Variants in SGCZ observed in about 807,000 individuals in gnomAD.
The protein encoded by SGCZ is sarcoglycan zeta, also known as zeta-sarcoglycan.
SGCZ carries 40 observed loss-of-function variants against 41.3 expected under a neutral mutation model. The observed-to-expected ratio is 0.97, with a 90% CI of 0.75 to 1.26. The LOEUF (loss-of-function observed/expected upper bound fraction) is 1.26. Among genes scored for constraint, SGCZ ranks in the 50% most tolerant of loss-of-function variants. The probability of loss-of-function intolerance (pLI) is 0.00; values close to 1 mark genes in which losing one functional copy is unlikely to be tolerated. For missense variants in SGCZ, 552 were observed against 369.8 expected (o/e 1.49, Z -4.04); for synonymous variants, 206 against 137.5 (o/e 1.50, Z -3.49).
At chr8:14,329,229 A>T (rs1802230462) in intron 2 of SGCZ, among the ~76,000 whole-genome samples, 3 of 152,224 alleles carry the variant, frequency 2.0e-5, no homozygotes, top group South Asian at 4.1e-4. Context: ...TTATTTATTA[A>T]CTGTTGACTT....
Position 14,745,134 on chromosome 8 carries a change from T to C in SGCZ, c.40-190208A>G, listed in dbSNP as rs1165767830. The stretch of plus-strand genomic sequence containing the variant: ...CTGTAAGTTTCAGTTTCACTGTGTC[T>C]CTACCTGCACTTTTAGCATTTCTCT... On this transcript the variant is annotated intron_variant, in intron 1 of 7. Transcript: ENST00000382080. 2.6e-5 allele frequency among the ~76,000 whole-genome samples: 4 copies of C among 152,312 alleles called. No individual in the cohort carries two copies. In the East Asian group the frequency reaches 7.7e-4, roughly 29 times the overall value.
chr8:15,231,838 T>G (rs987160957), intron 1 of SGCZ, among the ~76,000 whole-genome samples: 1 of 152,104 alleles, frequency 6.6e-6, no homozygotes, highest in African/African-American at 2.4e-5. Context: ...GCCAGGCTGG[T>G]CTTGAACTCC....
At chr8:15,036,454 A>G (rs1459693362) in intron 1 of SGCZ, among the ~76,000 whole-genome samples, 1 of 152,086 alleles carries the variant, frequency 6.6e-6, no homozygotes, top group African/African-American at 2.4e-5. Context: ...ACTAATGGAC[A>G]TTAGGCTTAA....
At chr8:14,592,091 T>G (rs1805259535) in intron 1 of SGCZ, among the ~76,000 whole-genome samples, 1 of 152,192 alleles carries the variant, frequency 6.6e-6, no homozygotes. Context: ...AAAATGTCAA[T>G]GCCAGGAAAA....
chr8:14,684,901 G>A lies in SGCZ; in HGVS notation c.40-129975C>T, dbSNP rs374634485. On this transcript the variant is annotated intron_variant, in intron 1 of 7. Coordinates refer to ENST00000382080, the MANE Select transcript of SGCZ (RefSeq NM_139167.4). ...GGGAGGTCTGTTATCTGTGCAGGTC[G>A]TAATTCCTGGTCCTCTGTTTAAACA... Among the ~76,000 whole-genome samples, 7 of 152,174 alleles carry A rather than the reference G, an allele frequency of 4.6e-5. No individual in the cohort carries two copies. In the East Asian group the frequency reaches 5.8e-4, roughly 13 times the overall value.
intron 1 of SGCZ, among the ~76,000 whole-genome samples, chr8:14,851,743 A>T (rs1231304278): frequency 1.3e-5 from 2 of 152,162 alleles, no homozygotes; most frequent in Non-Finnish European, 2.9e-5. Flanking sequence ...TGTCATTATT[A>T]TCATAGTCTA....
intron 1 of SGCZ, among the ~76,000 whole-genome samples, chr8:14,731,579 A>G (rs1333689464): frequency 2.0e-5 from 3 of 152,152 alleles, no homozygotes. Flanking sequence ...TTAATTCAAC[A>G]ATACTTGTAG....
In SGCZ at chr8:14,340,148, T is replaced by C. The variant is rs528035885; in HGVS notation, c.235-15944A>G. ...TGCTGTTGTTTCAATTCTGTTTTTT[T>C]CTTTCATCTCCAGTCTATGATATAA... On this transcript the variant is annotated intron_variant, in intron 2 of 7. Transcript: ENST00000382080. 7.9e-5 allele frequency among the ~76,000 whole-genome samples: 12 copies of C among 152,258 alleles called. No individual in the cohort carries two copies. In the South Asian group the frequency reaches 2.5e-3, roughly 32 times the overall value.
At chr8:14,880,444 C>T (rs1490016933) in intron 1 of SGCZ, among the ~76,000 whole-genome samples, 1 of 152,114 alleles carries the variant, frequency 6.6e-6, no homozygotes, top group Non-Finnish European at 1.5e-5. Context: ...CCAGCCATCC[C>T]ATTACTGGGT....
intron 2 of SGCZ, among the ~76,000 whole-genome samples, chr8:14,503,297 G>C (rs1802207927): frequency 6.6e-6 from 1 of 152,054 alleles, no homozygotes; most frequent in South Asian, 2.1e-4. Flanking sequence ...AGCCTGTCAG[G>C]GGATGGGGGG....
chr8:14,228,185 C>A (rs948490784), intron 4 of SGCZ, among the ~76,000 whole-genome samples: 2 of 152,044 alleles, frequency 1.3e-5, no homozygotes, highest in Non-Finnish European at 2.9e-5. Flanking sequence ...AAGGCAAACA[C>A]AAAACTGCAT....
chr8:14,174,660 A>G (rs1451166402), intron 4 of SGCZ, among the ~76,000 whole-genome samples: 1 of 152,162 alleles, frequency 6.6e-6, no homozygotes, highest in Non-Finnish European at 1.5e-5. Context: ...TCAAAGAGCA[A>G]TATTTAACCT....
chr8:14,446,075 A>C (rs1800423957), intron 2 of SGCZ, among the ~76,000 whole-genome samples: 1 of 152,168 alleles, frequency 6.6e-6, no homozygotes, highest in South Asian at 2.1e-4. Context: ...AAAAATCCTG[A>C]ATCAGTTGTG....
chr8:15,047,382 T>C (rs1470110410), intron 1 of SGCZ, among the ~76,000 whole-genome samples: 1 of 152,076 alleles, frequency 6.6e-6, no homozygotes, highest in Non-Finnish European at 1.5e-5. Context: ...AAATCACTTT[T>C]CTGAATTTTT....
At chr8:14,459,824 A>G (rs1018874140) in intron 2 of SGCZ, among the ~76,000 whole-genome samples, 2 of 152,216 alleles carry the variant, frequency 1.3e-5, no homozygotes, top group Non-Finnish European at 2.9e-5. Flanking sequence ...TAAACGCAAT[A>G]TAATCAAAAG....
chr8:14,928,000 A>T (rs934000893), intron 1 of SGCZ, among the ~76,000 whole-genome samples: 8 of 152,114 alleles, frequency 5.3e-5, no homozygotes, highest in African/African-American at 1.9e-4. Context: ...TTCTGGCCTT[A>T]GCTCAACTCC....
chr8:14,184,856 A>C (rs980508515), intron 4 of SGCZ, among the ~76,000 whole-genome samples: 1 of 152,164 alleles, frequency 6.6e-6, no homozygotes, highest in African/African-American at 2.4e-5. Flanking sequence ...CTAACTTAAA[A>C]CTATACCAGA....
chr8:15,124,777 T>C (rs1278845677), intron 1 of SGCZ, among the ~76,000 whole-genome samples: 3 of 152,226 alleles, frequency 2.0e-5, no homozygotes, highest in Non-Finnish European at 2.9e-5. Flanking sequence ...AACAACGTGA[T>C]TGCATTTTTG....
intron 1 of SGCZ, among the ~76,000 whole-genome samples, chr8:14,963,333 T>C (rs1801024616): frequency 8.4e-6 from 1 of 118,496 alleles, no homozygotes; most frequent in South Asian, 2.7e-4. Context: ...CATTTTCTTT[T>C]TCTTCTTTTT....
Sources: allele counts gnomAD v4.1 joint callset (sites outside exome capture counted in the v4.1 genomes callset), GRCh38; gene constraint gnomAD v4.1.1; transcripts MANE v1.5; gene names NCBI Gene and HGNC (gene_info 2026-07-23, HGNC 2026-07-21).